Variants in ARAP2 observed in about 807,000 individuals in gnomAD.
ARAP2 encodes ArfGAP with RhoGAP domain, ankyrin repeat and PH domain 2, also known as arf-GAP with Rho-GAP domain, ANK repeat and PH domain-containing protein 2.
A neutral mutation model predicts 194.5 loss-of-function variants in ARAP2; 148 were observed. The observed-to-expected ratio is 0.76, with a 90% CI of 0.67 to 0.87. The LOEUF (loss-of-function observed/expected upper bound fraction) is 0.87. ARAP2 is among the 40% of genes least tolerant of loss of function. The pLI is 0.00. For synonymous variants in ARAP2, 695 were observed against 683.5 expected, an observed-to-expected ratio of 1.02 and a Z score of -0.26; for missense variants, 2,128 against 1,989.7, an observed-to-expected ratio of 1.07 and a Z score of -1.32.
At chr4:36,078,853 A>G (rs140713739) in intron 31 of ARAP2, among the ~76,000 whole-genome samples, 34 of 152,242 alleles carry the variant, frequency 2.2e-4, no homozygotes, top group Admixed American at 3.9e-4. Flanking sequence ...AAAGACTTCA[A>G]ATCCAGTCTT....
chr4:36,020,816 T>C (rs571096047), intron 5 of ARAP2, among the ~76,000 whole-genome samples: 75 of 152,308 alleles, frequency 4.9e-4, no homozygotes, highest in Admixed American at 3.9e-4. Flanking sequence ...GGCATGAAGA[T>C]CAATAAGTGG....
At chr4:36,159,595 G>A in intron 13 of ARAP2, 90 bp from the exon 14 acceptor site, 1 of 1,160,936 alleles carries the variant, frequency 8.6e-7, no homozygotes, top group Non-Finnish European at 1.1e-6. Flanking sequence ...TTCATGTATG[G>A]GATAAAGTCT....
chr4:36,035,743 A>G (rs947517580), intron 5 of ARAP2, among the ~76,000 whole-genome samples: 3 of 152,150 alleles, frequency 2.0e-5, no homozygotes, highest in Admixed American at 6.6e-5. Context: ...CAAGATGTCA[A>G]AGATGTTCTA....
At chr4:36,044,864 T>C (rs1031200128) in intron 5 of ARAP2, among the ~76,000 whole-genome samples, 2 of 151,184 alleles carry the variant, frequency 1.3e-5, no homozygotes, top group South Asian at 4.2e-4. Context: ...GAAATAACCC[T>C]GCTAAAAAAA....
At chr4:36,145,352 T>A (rs1436055313) in intron 19 of ARAP2, among the ~76,000 whole-genome samples, 1 of 151,910 alleles carries the variant, frequency 6.6e-6, no homozygotes, top group Non-Finnish European at 1.5e-5. Flanking sequence ...CAACCATAAA[T>A]AGGAATGAAG....
rs969308629 is a variant in ARAP2 at position 36,159,341 on chromosome 4, G to T, written c.2607C>A (p.Asn869Lys). Reference sequence around the variant, plus strand: ...GAGACAGTGACGAACCTGAGAATTTGTTATGGTAGAGAAATTCCATTTGCA... The same window carrying T: ...GAGACAGTGACGAACCTGAGAATTTTTTATGGTAGAGAAATTCCATTTGCA... Reference protein sequence around the residue: ...QSLQMEFLYHNKFSDFPQHDI... With the variant: ...QSLQMEFLYHKKFSDFPQHDI... The change falls in exon 14 of 33, where the codon AAC (asparagine) becomes AAA (lysine). Residue 869 changes from asparagine (N) to lysine (K), a missense_variant. Physicochemically the swap from Asn to Lys is moderately conservative, Grantham distance 94. Coordinates refer to ENST00000303965, the MANE Select transcript of ARAP2 (RefSeq NM_015230.4). The T allele has an allele frequency of 1.9e-6, 3 of 1,599,852 alleles. No individual in the cohort carries two copies. Among genetic ancestry groups the T allele is most frequent in the Non-Finnish European group, 2.6e-6 (3 of 1,171,560 alleles).
chr4:36,097,966 C>T (rs373962700), intron 27 of ARAP2, among the ~76,000 whole-genome samples: 7 of 151,916 alleles, frequency 4.6e-5, no homozygotes, highest in African/African-American at 1.5e-4. Flanking sequence ...AAAAGTCACA[C>T]GTAGGAAACA....
chr4:36,220,563 T>C (rs1159432040), intron 2 of ARAP2, among the ~76,000 whole-genome samples: 3 of 152,144 alleles, frequency 2.0e-5, no homozygotes, highest in African/African-American at 7.2e-5. Context: ...TCCACTTATT[T>C]TTTTTTTAAG....
chr4:36,092,327 C>T (rs1406565426), intron 27 of ARAP2, among the ~76,000 whole-genome samples: 3 of 151,962 alleles, frequency 2.0e-5, no homozygotes, highest in Non-Finnish European at 2.9e-5. Context: ...AAATATATAT[C>T]GGCTGGGCGC....
chr4:36,199,859 A>G (rs879488089), intron 6 of ARAP2, among the ~76,000 whole-genome samples: 3 of 152,024 alleles, frequency 2.0e-5, no homozygotes, highest in Non-Finnish European at 2.9e-5. Flanking sequence ...ACAAAAACAA[A>G]CTCTGTTAGG....
intron 1 of ARAP2, 62 bp downstream of exon 1, chr4:36,244,117 G>C (rs1355362144): frequency 6.6e-6 from 1 of 152,196 alleles, no homozygotes; most frequent in Non-Finnish European, 1.5e-5. Flanking sequence ...CCTCCAGACA[G>C]GGTCCTCCCA....
chr4:36,161,301 G>A (rs2271330), intron 12 of ARAP2, among the ~76,000 whole-genome samples, 164 bp downstream of exon 12: 126,215 of 152,110 alleles, frequency 0.83, 52,421 homozygotes, highest in East Asian at 0.92. Flanking sequence ...TTCTCAAAGA[G>A]TTACTACTAT....
At chr4:36,006,024 G>A (rs1028139733) in intron 10 of ARAP2, 1 of 152,176 alleles carries the variant, frequency 6.6e-6, no homozygotes, top group Non-Finnish European at 1.5e-5. Flanking sequence ...GAAATAGAGT[G>A]TGCCAGGGAG....
At chr4:36,228,535 G>C (rs1560720150) in intron 2 of ARAP2, 47 bp downstream of exon 2, 1 of 1,496,516 alleles carries the variant, frequency 6.7e-7, no homozygotes, top group African/African-American at 1.4e-5. Context: ...AAAAATCACT[G>C]AATTTCCTCA....
intron 21 of ARAP2, among the ~76,000 whole-genome samples, chr4:36,126,843 G>A (rs1453345764): frequency 6.6e-6 from 1 of 151,968 alleles, no homozygotes; most frequent in Non-Finnish European, 1.5e-5. Flanking sequence ...CGCTGTTGTT[G>A]TTGTTGTTTA....
chr4:36,155,880 T>C (rs988371112), intron 15 of ARAP2, among the ~76,000 whole-genome samples: 4 of 152,164 alleles, frequency 2.6e-5, no homozygotes, highest in Middle Eastern at 3.4e-3. Context: ...TCCTGTTTGG[T>C]TGTTGTTGCT....
chr4:36,047,838 G>T (rs749032623), intron 3 of ARAP2, among the ~76,000 whole-genome samples: 74 of 152,138 alleles, frequency 4.9e-4, no homozygotes, highest in Non-Finnish European at 1.5e-4. Context: ...CAAGCACAGA[G>T]ATCAAGTAAA....
chr4:36,171,586 G>A (rs1287819281), intron 9 of ARAP2, among the ~76,000 whole-genome samples: 2 of 151,780 alleles, frequency 1.3e-5, no homozygotes, highest in Admixed American at 6.6e-5. Context: ...TGAGTTAATG[G>A]GTGCAGCACA....
At chr4:36,032,909 A>C (rs1464048713) in intron 5 of ARAP2, among the ~76,000 whole-genome samples, 1 of 152,078 alleles carries the variant, frequency 6.6e-6, no homozygotes, top group Non-Finnish European at 1.5e-5. Flanking sequence ...TCCCACTTAT[A>C]CTTGAGAACA....
Sources: gnomAD v4.1 joint callset for allele counts (sites outside exome capture counted in the v4.1 genomes callset) on GRCh38, gnomAD v4.1.1 for gene constraint, MANE v1.5 for transcripts, NCBI Gene and HGNC (gene_info 2026-07-23, HGNC 2026-07-21) for gene names.